The following UBXN2A variants were observed in gnomAD, a reference collection of about 807,000 sequenced individuals.
The protein encoded by UBXN2A is UBX domain-containing protein 2A.
In UBXN2A, 28 loss-of-function variants were observed where a neutral mutation model predicts 28.4. The observed-to-expected ratio is 0.99, with a 90% confidence interval of 0.73 to 1.35. UBXN2A has a LOEUF of 1.35. Among genes scored for constraint, UBXN2A ranks in the 40% most tolerant of loss-of-function variants. The pLI, the probability that UBXN2A is intolerant of heterozygous loss-of-function variation, is 0.00. For missense variants in UBXN2A, 253 were observed against 297.9 expected (o/e 0.85, Z 1.11); for synonymous variants, 97 against 103.6 (o/e 0.94, Z 0.39).
At chr2:23,954,799 C>A (rs145630506) in intron 1 of UBXN2A, among the ~76,000 whole-genome samples, 4 of 150,820 alleles carry the variant, frequency 2.7e-5, no homozygotes, top group Non-Finnish European at 5.9e-5. Context: ...GCTCTGTTGC[C>A]CAGGCTGGAG....
At chr2:23,962,994 A>C (rs1241864188) in intron 2 of UBXN2A, among the ~76,000 whole-genome samples, 2 of 152,210 alleles carry the variant, frequency 1.3e-5, no homozygotes. Context: ...AGCAAGTTAC[A>C]TCTTAACATG....
chr2:23,980,172 A>G (rs1437095694), intron 4 of UBXN2A, among the ~76,000 whole-genome samples: 2 of 152,114 alleles, frequency 1.3e-5, no homozygotes, highest in African/African-American at 2.4e-5. Flanking sequence ...CTTTCTGTCT[A>G]TCTCTATGGA....
intron 4 of UBXN2A, among the ~76,000 whole-genome samples, chr2:23,978,319 T>C (rs776104115): frequency 6.6e-6 from 1 of 152,208 alleles, no homozygotes; most frequent in South Asian, 2.1e-4. Flanking sequence ...CTACTCTGGC[T>C]TGGGAGGCTG....
intron 4 of UBXN2A, among the ~76,000 whole-genome samples, chr2:23,981,303 CAAA>C (rs34236089): frequency 1.4e-5 from 1 of 69,492 alleles, no homozygotes. Context: ...CCTGTCTCTA[CAAA>C]AAAAAAAAAA....
At chr2:23,951,069 A>G (rs1706339282) in intron 1 of UBXN2A, among the ~76,000 whole-genome samples, 1 of 152,146 alleles carries the variant, frequency 6.6e-6, no homozygotes, top group African/African-American at 2.4e-5. Context: ...GAATGGTCAA[A>G]TCAGGCTAAT....
At chr2:23,966,895 C>T (rs112303130) in intron 2 of UBXN2A, among the ~76,000 whole-genome samples, 1,870 of 151,450 alleles carry the variant, frequency 0.012, 35 homozygotes, top group African/African-American at 0.043. Context: ...GTAGCTGGGG[C>T]TACAGGTGTG....
Position 23,981,476 on chromosome 2 carries a change from TAAAAAAAAAAAAA to T in UBXN2A, c.288-1401_288-1389del, listed in dbSNP as rs55665209. Among the ~76,000 whole-genome samples the T allele has an allele frequency of 1.4e-3, 41 of 28,920 alleles. 1 individual carries two copies. Among genetic ancestry groups the T allele is most frequent in the East Asian group, 0.014 (8 of 572 alleles). 19.0% of individuals were successfully genotyped at this position (28,920 alleles called of 152,430 possible). ...CTGGGCAACAGAGTGAGCTCCTATC[TAAAAAAAAAAAAA>T]AAAAAAAAAAAAAAAAAATAGAAAA... On this transcript the variant is annotated intron_variant, in intron 4 of 6. Coordinates refer to ENST00000309033, the MANE Select transcript of UBXN2A (RefSeq NM_181713.4).
At chr2:23,938,763 C>T (rs1573524882), upstream of UBXN2A, among the ~76,000 whole-genome samples, 1 of 152,060 alleles carries the variant, frequency 6.6e-6, no homozygotes, top group African/African-American at 2.4e-5. Context: ...GATACATAAT[C>T]AATGGAATAG....
At chr2:23,936,961 T>C (rs898440684), upstream of UBXN2A, among the ~76,000 whole-genome samples, 2 of 152,144 alleles carry the variant, frequency 1.3e-5, no homozygotes, top group Non-Finnish European at 2.9e-5. Context: ...TTCACCTGCC[T>C]AAGCCTCCCA....
At chr2:23,949,118 T>C (rs1292562928) in intron 1 of UBXN2A, among the ~76,000 whole-genome samples, 1 of 144,406 alleles carries the variant, frequency 6.9e-6, no homozygotes, top group South Asian at 2.2e-4. Context: ...TTTTTTTTCT[T>C]TTTTTTTTTT....
chr2:24,004,115 T>A lies in UBXN2A; in HGVS notation c.*4248T>A, dbSNP rs1320713554. 6.6e-6 allele frequency: 1 copy of A among 152,228 alleles called. No individual in the cohort carries two copies. Among genetic ancestry groups the A allele is most frequent in the Non-Finnish European group, 1.5e-5 (1 of 68,046 alleles). 9.4% of individuals were successfully genotyped at this position (152,228 alleles called of 1,614,324 possible). ...GAAACGTTCATTAATGCGAATAATA[T>A]CCTCAAAGATTTTCTACAATGAGAA... On this transcript the variant is annotated 3_prime_UTR_variant, in exon 7 of 7. Coordinates refer to ENST00000309033, the MANE Select transcript of UBXN2A (RefSeq NM_181713.4).
intron 3 of UBXN2A, among the ~76,000 whole-genome samples, chr2:23,974,835 T>C (rs959381588): frequency 6.6e-6 from 1 of 152,010 alleles, no homozygotes; most frequent in African/African-American, 2.4e-5. Context: ...AAAAATTAGC[T>C]GAGCTTGGTG....
intron 3 of UBXN2A, among the ~76,000 whole-genome samples, chr2:23,973,639 C>CTTT (rs548688766): frequency 7.1e-6 from 1 of 141,670 alleles, no homozygotes. Context: ...TGTGTCCAGC[C>CTTT]TTTTTTTTTT....
chr2:23,966,685 T>G (rs1234658145), intron 2 of UBXN2A, among the ~76,000 whole-genome samples: 3 of 149,770 alleles, frequency 2.0e-5, no homozygotes, highest in African/African-American at 7.4e-5. Context: ...TCTCCTGACC[T>G]TGTGATCCGC....
chr2:23,995,964 C>T (rs1708515187), intron 6 of UBXN2A, among the ~76,000 whole-genome samples: 1 of 151,990 alleles, frequency 6.6e-6, no homozygotes, highest in African/African-American at 2.4e-5. Context: ...GGCTCAATCT[C>T]GGCTCACTGC....
chr2:23,971,236 C>T (rs374267418), intron 2 of UBXN2A, 40 bp from the exon 3 acceptor site: 20 of 1,487,118 alleles, frequency 1.3e-5, no homozygotes, highest in Non-Finnish European at 1.7e-5. Context: ...TTTTAGAGAC[C>T]TAATAGTTAA....
chr2:23,934,283 T>C (rs1260630054), intron 1 of UBXN2A, among the ~76,000 whole-genome samples: 1 of 152,252 alleles, frequency 6.6e-6, no homozygotes, highest in African/African-American at 2.4e-5. Context: ...CATGTAGTTA[T>C]TTAAATTTCA....
chr2:23,956,538 A>G (rs1054881400), intron 1 of UBXN2A, among the ~76,000 whole-genome samples: 1 of 151,590 alleles, frequency 6.6e-6, no homozygotes, highest in Non-Finnish European at 1.5e-5. Flanking sequence ...TTTTTAGTGG[A>G]GATGGGGTTT....
At chr2:23,942,446 CAG>C (rs1160271747) in intron 1 of UBXN2A, among the ~76,000 whole-genome samples, 2 of 73,416 alleles carry the variant, frequency 2.7e-5, no homozygotes, top group African/African-American at 9.3e-5. Flanking sequence ...TTTTTTGTTA[CAG>C]AGTCTCGCTC....
Sources: allele counts gnomAD v4.1 joint callset (sites outside exome capture counted in the v4.1 genomes callset), GRCh38; gene constraint gnomAD v4.1.1; transcripts MANE v1.5; gene names NCBI Gene and HGNC (gene_info 2026-07-23, HGNC 2026-07-21).